Variants in TMEM62 observed in about 807,000 individuals in gnomAD.
TMEM62 encodes the protein transmembrane protein 62.
Under a neutral mutation model 70.4 loss-of-function variants are expected in TMEM62, and 41 were observed. The observed-to-expected ratio is 0.58, with a 90% CI of 0.45 to 0.76. TMEM62 has a LOEUF of 0.76. Among genes scored for constraint, TMEM62 ranks in the 30% least tolerant of loss-of-function variants. TMEM62 has a pLI of 0.00. For missense variants in TMEM62, 688 were observed against 788.5 expected, an observed-to-expected ratio of 0.87 and a Z score of 1.53; for synonymous variants, 268 against 291.0, an observed-to-expected ratio of 0.92 and a Z score of 0.80.
chr15:43,169,594 C>T lies in TMEM62; in HGVS notation c.1298C>T (p.Ala433Val), dbSNP rs758192797. The T allele has an allele frequency of 1.9e-6, 3 of 1,613,722 alleles. No homozygotes were observed. Among genetic ancestry groups the T allele is most frequent in the Non-Finnish European group, 2.5e-6 (3 of 1,179,794 alleles). Residue 433 changes from alanine (A) to valine (V), a missense_variant and splice_region_variant, in exon 11 of 14, where the codon GCC becomes GTC. Transcript: ENST00000260403. ...FILRTDHYIM[A>V]RVLFVLIVLS... ...ACGTTAACATCTATTTCCCTGCAGG[C>T]CCGGGTCCTTTTTGTGCTGATTGTG...
Position 43,154,812 on chromosome 15 carries a change from A to C in TMEM62, c.1163A>C (p.Asn388Thr). The stretch of plus-strand genomic sequence containing the variant: ...AGAAACTACAGTAGTGGGACACATA[A>C]CATAGAAGTAATCGTCCAGGTAAGT... ...NPRNYSSGTH[N>T]IEVIVQDSAG... Residue 388 changes from asparagine to threonine, a missense_variant, in exon 9 of 14, where the codon AAC (asparagine) becomes ACC (threonine). Asn to Thr is a moderately conservative substitution (Grantham distance 65). Coordinates refer to ENST00000260403, the MANE Select transcript of TMEM62 (RefSeq NM_024956.4). The C allele has an allele frequency of 6.2e-7, 1 of 1,607,780 alleles. No individual in the cohort carries two copies. Among genetic ancestry groups the C allele is most frequent in the Non-Finnish European group, 8.5e-7 (1 of 1,177,928 alleles).
At chr15:43,155,838 A>C (rs929386570) in intron 9 of TMEM62, among the ~76,000 whole-genome samples, 3 of 152,254 alleles carry the variant, frequency 2.0e-5, no homozygotes, top group African/African-American at 7.2e-5. Context: ...TTTTCAGTGC[A>C]TCAGAAGCAC....
chr15:43,181,508 A>AT (rs544665067), intron 13 of TMEM62, among the ~76,000 whole-genome samples: 27 of 151,584 alleles, frequency 1.8e-4, no homozygotes, highest in Admixed American at 9.9e-4. Flanking sequence ...TCTAAAATAC[A>AT]TTTTTTTTTC....
chr15:43,152,195 A>G (rs2141699723), intron 8 of TMEM62, among the ~76,000 whole-genome samples: 1 of 152,170 alleles, frequency 6.6e-6, no homozygotes, highest in South Asian at 2.1e-4. Flanking sequence ...TTTTTGTTTT[A>G]TTTTATTCCA....
At chr15:43,177,838 G>T (rs1012032599) in intron 11 of TMEM62, among the ~76,000 whole-genome samples, 6 of 151,762 alleles carry the variant, frequency 4.0e-5, no homozygotes, top group Admixed American at 3.3e-4. Context: ...TCACACTCTG[G>T]GGACTGTTGT....
chr15:43,166,791 G>A (rs899789073), intron 10 of TMEM62, among the ~76,000 whole-genome samples: 9 of 152,072 alleles, frequency 5.9e-5, no homozygotes, highest in Admixed American at 6.6e-5. Flanking sequence ...ATCTTGCACC[G>A]CCCTTAATCC....
At position 43,133,891 on chromosome 15, in the gene TMEM62, G is replaced by A. The variant is rs1012717358; in HGVS notation, c.89G>A (p.Gly30Asp). The change falls in exon 1 of 14, where the codon GGC becomes GAC. Residue 30 changes from glycine (G) to aspartate (D), a missense_variant. Physicochemically the swap from Gly to Asp is moderately conservative, Grantham distance 94 (BLOSUM62 -1). Coordinates refer to ENST00000260403, the MANE Select transcript of TMEM62 (RefSeq NM_024956.4). The stretch of plus-strand genomic sequence containing the variant: ...CTCTTGGAGCACTACGGCCTGGCGG[G>A]CCAGCCCTCGCCGCTGCCGCGCCCC... ...AMLLEHYGLA[G>D]QPSPLPRPAP... is the part of the protein sequence containing the mutation. The A allele has an allele frequency of 9.3e-6, 14 of 1,499,084 alleles. No individual in the cohort carries two copies. The highest frequency in any genetic ancestry group is 1.1e-5 in the Non-Finnish European group (13 of 1,132,174). The allele number at this position is 1,499,084 out of a possible 1,614,324, so 92.9% of individuals were successfully genotyped here.
intron 5 of TMEM62, among the ~76,000 whole-genome samples, chr15:43,147,440 C>T (rs1325151710): frequency 6.6e-6 from 1 of 152,070 alleles, no homozygotes; most frequent in African/African-American, 2.4e-5. Flanking sequence ...TAAGCATATG[C>T]CCCTAAGTAA....
rs1451609615 is a variant in TMEM62, at chr15:43,155,640, C to T, written c.1182+809C>T. On this transcript the variant is annotated intron_variant, in intron 9 of 13. Transcript: ENST00000260403. The stretch of plus-strand genomic sequence containing the variant: ...TGGCCATAGACTCCCTTTTTTTAGC[C>T]CCAGGAAATCATTCTTGTGTTTTCT... Among the ~76,000 whole-genome samples, 3 of 151,904 alleles carry T rather than the reference C, an allele frequency of 2.0e-5. 1 individual carries two copies. The highest frequency in any genetic ancestry group is 4.1e-4 in the South Asian group (2 of 4,828).
intron 10 of TMEM62, among the ~76,000 whole-genome samples, chr15:43,162,982 G>A (rs898096204): frequency 6.2e-4 from 92 of 149,270 alleles, no homozygotes; most frequent in African/African-American, 2.2e-3. Flanking sequence ...TCCTATCCTC[G>A]CTCATTAAAA....
At chr15:43,148,450 C>T (rs1655472341) in intron 5 of TMEM62, among the ~76,000 whole-genome samples, 1 of 152,084 alleles carries the variant, frequency 6.6e-6, no homozygotes, top group Admixed American at 6.5e-5. Context: ...CTTTATTAAT[C>T]GTAAAGTGTT....
chr15:43,151,739 C>T, intron 7 of TMEM62, 51 bp from the exon 8 acceptor site: 1 of 1,543,198 alleles, frequency 6.5e-7, no homozygotes, highest in Non-Finnish European at 8.8e-7. Flanking sequence ...ACCTTCATGA[C>T]CTCTTACAAT....
At chr15:43,134,030 C>G in intron 1 of TMEM62, 48 bp downstream of exon 1, 1 of 1,436,628 alleles carries the variant, frequency 7.0e-7, no homozygotes, top group Non-Finnish European at 9.1e-7. Context: ...GATCGGGCAC[C>G]GTGCGGTGGG....
intron 11 of TMEM62, among the ~76,000 whole-genome samples, chr15:43,170,818 G>A (rs965365506): frequency 2.6e-5 from 4 of 152,062 alleles, no homozygotes; most frequent in Non-Finnish European, 5.9e-5. Flanking sequence ...TATTATAGAG[G>A]GACATAAACA....
At chr15:43,142,969 CAGT>C (rs1420597040) in intron 4 of TMEM62, among the ~76,000 whole-genome samples, 1 of 152,132 alleles carries the variant, frequency 6.6e-6, no homozygotes, top group Non-Finnish European at 1.5e-5. Flanking sequence ...CATGCCCAGT[CAGT>C]AGAAGTATTT....
At chr15:43,161,469 A>C (rs1199042164) in intron 10 of TMEM62, among the ~76,000 whole-genome samples, 3 of 151,612 alleles carry the variant, frequency 2.0e-5, no homozygotes, top group Non-Finnish European at 4.4e-5. Flanking sequence ...CACATCAATA[A>C]TATATGCTCA....
chr15:43,133,923 C>G lies in TMEM62; in HGVS notation c.121C>G (p.Pro41Ala). 1 of 1,492,052 alleles carries G rather than the reference C, an allele frequency of 6.7e-7. No individual in the cohort carries two copies. Among genetic ancestry groups the G allele is most frequent in the Admixed American group, 2.2e-5 (1 of 44,708 alleles). 92.4% of individuals were successfully genotyped at this position (1,492,052 alleles called of 1,614,324 possible). The change falls in exon 1 of 14, where the codon CCC becomes GCC. Residue 41 changes from proline to alanine, a missense_variant. By Grantham distance (27) the Pro-to-Ala change is conservative. Coordinates refer to ENST00000260403, the MANE Select transcript of TMEM62 (RefSeq NM_024956.4). ...CTCGCCGCTGCCGCGCCCCGCGCCC[C>G]CCAGGAGGCCGCACCCTGCGCCAGG... ...QPSPLPRPAP[P>A]RRPHPAPGPG...
chr15:43,154,565 T>C (rs1430602331), intron 8 of TMEM62, 107 bp from the exon 9 acceptor site: 5 of 897,536 alleles, frequency 5.6e-6, no homozygotes, highest in Non-Finnish European at 7.9e-6. Flanking sequence ...TACAATATGA[T>C]GGTTCTGCCT....
intron 11 of TMEM62, among the ~76,000 whole-genome samples, chr15:43,172,097 A>G (rs932031267): frequency 2.0e-5 from 3 of 152,190 alleles, no homozygotes; most frequent in Admixed American, 1.3e-4. Context: ...AATAGACCCA[A>G]GTATGTTTTG....
Sources: gnomAD v4.1 joint callset for allele counts (sites outside exome capture counted in the v4.1 genomes callset) on GRCh38, gnomAD v4.1.1 for gene constraint, MANE v1.5 for transcripts, NCBI Gene and HGNC (gene_info 2026-07-23, HGNC 2026-07-21) for gene names.